RBFOX1: variants seen among roughly 807,000 people sequenced by gnomAD.
The protein encoded by RBFOX1 is RNA binding fox-1 homolog 1, also known as RNA binding protein fox-1 homolog 1.
Under a neutral mutation model 57.7 loss-of-function variants are expected in RBFOX1, and 8 were observed. That is an observed-to-expected ratio of 0.14 (90% CI 0.08 to 0.25). The LOEUF (loss-of-function observed/expected upper bound fraction) is 0.25, where lower values mean the gene tolerates loss of function less well. Among genes scored for constraint, RBFOX1 ranks in the 10% least tolerant of loss-of-function variants. The probability of loss-of-function intolerance (pLI) is 1.00; values close to 1 mark genes in which losing one functional copy is unlikely to be tolerated. For missense variants in RBFOX1, 611 were observed against 548.5 expected, an observed-to-expected ratio of 1.11 and a Z score of -1.14; for synonymous variants, 326 against 222.4, an observed-to-expected ratio of 1.47 and a Z score of -4.15.
intron 4 of RBFOX1, among the ~76,000 whole-genome samples, chr16:7,128,141 A>G (rs902464325): frequency 6.6e-6 from 1 of 152,168 alleles, no homozygotes; most frequent in Non-Finnish European, 1.5e-5. Flanking sequence ...TGAAAAGCAA[A>G]TGTCTCCTTC....
At chr16:6,191,707 G>T (rs985854316) in intron 1 of RBFOX1, among the ~76,000 whole-genome samples, 2 of 152,120 alleles carry the variant, frequency 1.3e-5, no homozygotes, top group African/African-American at 4.8e-5. Flanking sequence ...GAGTTTTTAA[G>T]ATGTTTTGAC....
chr16:7,004,162 T>C (rs1051842092), intron 3 of RBFOX1: 9 of 152,192 alleles, frequency 5.9e-5, no homozygotes, highest in Middle Eastern at 3.4e-3. Context: ...TTAAATCTTA[T>C]GCACAGAAGA....
chr16:6,735,973 C>T (rs55712019), intron 3 of RBFOX1, among the ~76,000 whole-genome samples: 151,735 of 151,738 alleles, frequency 1, 75,866 homozygotes, highest in Middle Eastern at 1. Context: ...AGGTTTGCTT[C>T]CCTACTGGGC....
chr16:6,282,363 T>G (rs796313162), intron 1 of RBFOX1, among the ~76,000 whole-genome samples: 14 of 151,142 alleles, frequency 9.3e-5, no homozygotes, highest in Non-Finnish European at 1.3e-4. Flanking sequence ...CTGTTTTTTT[T>G]TTTTTTTTTT....
intron 1 of RBFOX1, among the ~76,000 whole-genome samples, chr16:5,359,844 G>A (rs1416352036): frequency 6.6e-6 from 1 of 152,098 alleles, no homozygotes; most frequent in African/African-American, 2.4e-5. Flanking sequence ...TTCCTCTCTG[G>A]TCCTCCGCTT....
intron 3 of RBFOX1, among the ~76,000 whole-genome samples, chr16:7,013,484 G>A (rs1236966174): frequency 6.6e-6 from 1 of 152,178 alleles, no homozygotes; most frequent in African/African-American, 2.4e-5. Context: ...GTGAAGGCAT[G>A]CCTCTAAATA....
chr16:5,662,285 A>T (rs2049680078), intron 3 of RBFOX1, among the ~76,000 whole-genome samples: 1 of 152,178 alleles, frequency 6.6e-6, no homozygotes, highest in African/African-American at 2.4e-5. Flanking sequence ...TTATGCTCTT[A>T]GAACATATTG....
intron 2 of RBFOX1, among the ~76,000 whole-genome samples, chr16:6,600,628 A>T (rs2097841970): frequency 6.6e-6 from 1 of 152,210 alleles, no homozygotes; most frequent in Non-Finnish European, 1.5e-5. Context: ...ATCAGAACTG[A>T]AACAGTGGAC....
intron 2 of RBFOX1, among the ~76,000 whole-genome samples, chr16:5,580,552 C>G (rs572207478): frequency 1.3e-5 from 2 of 152,208 alleles, no homozygotes; most frequent in South Asian, 4.1e-4. Context: ...GGCTGAGGTG[C>G]CAGCTCCAGC....
At chr16:5,285,322 G>A (rs2091532) in intron 1 of RBFOX1, among the ~76,000 whole-genome samples, 69,416 of 151,940 alleles carry the variant, frequency 0.46, 16,150 homozygotes, top group Non-Finnish European at 0.51. Flanking sequence ...TATGCTGTCT[G>A]TCTCTGTTGA....
intron 2 of RBFOX1, among the ~76,000 whole-genome samples, chr16:6,565,077 G>A (rs191611024): frequency 5.8e-4 from 84 of 145,752 alleles, no homozygotes; most frequent in African/African-American, 2.1e-3. Context: ...GTTGTAGTGA[G>A]CAGAGATTGC....
intron 2 of RBFOX1, among the ~76,000 whole-genome samples, chr16:5,537,000 A>G (rs1443260090): frequency 6.6e-6 from 1 of 152,198 alleles, no homozygotes; most frequent in Non-Finnish European, 1.5e-5. Context: ...CTGCATAACA[A>G]GGATCATCTT....
intron 3 of RBFOX1, among the ~76,000 whole-genome samples, chr16:5,808,267 C>T (rs1033255234): frequency 2.0e-5 from 3 of 152,124 alleles, no homozygotes; most frequent in Non-Finnish European, 4.4e-5. Flanking sequence ...TGTTCTGTTC[C>T]ACTGATCTAT....
intron 3 of RBFOX1, among the ~76,000 whole-genome samples, chr16:5,813,070 C>A (rs747884835): frequency 1.3e-5 from 2 of 148,348 alleles, no homozygotes; most frequent in Admixed American, 1.4e-4. Context: ...TGCAGTGGTG[C>A]AATCTTGGCT....
chr16:7,013,606 A>G (rs2093757893), intron 3 of RBFOX1, among the ~76,000 whole-genome samples: 1 of 152,188 alleles, frequency 6.6e-6, no homozygotes, highest in Admixed American at 6.5e-5. Flanking sequence ...ACAACTACTA[A>G]TGTTATATTA....
At chr16:7,450,292 G>C (rs2098841536) in intron 4 of RBFOX1, among the ~76,000 whole-genome samples, 1 of 150,498 alleles carries the variant, frequency 6.6e-6, no homozygotes, top group African/African-American at 2.4e-5. Context: ...TACTTGGGAG[G>C]CTGAGGCAGG....
chr16:6,120,097 A>G (rs1256541312), intron 1 of RBFOX1, among the ~76,000 whole-genome samples: 4 of 152,156 alleles, frequency 2.6e-5, no homozygotes, highest in Non-Finnish European at 4.4e-5. Context: ...AAGTTGAGCC[A>G]TGTGGTAGCA....
intron 1 of RBFOX1, among the ~76,000 whole-genome samples, chr16:5,327,124 A>G (rs1045816753): frequency 6.6e-6 from 1 of 152,224 alleles, no homozygotes; most frequent in African/African-American, 2.4e-5. Context: ...TTATGGAACA[A>G]CTGGGAATGG....
chr16:6,357,981 A>C lies in RBFOX1; in HGVS notation c.-64+40924A>C, dbSNP rs923081201. On this transcript the variant is annotated intron_variant, in intron 2 of 15. Transcript: ENST00000550418. ...CAAAAAAGAAAAAAAAAAAAAAAGA[A>C]ATTAATGGGGCCAGAGACCTTTGGA... 5.0e-4 allele frequency among the ~76,000 whole-genome samples: 76 copies of C among 151,902 alleles called. 1 individual carries two copies. Among genetic ancestry groups the C allele is most frequent in the Admixed American group, 3.6e-3 (55 of 15,242 alleles).
Sources: allele counts gnomAD v4.1 joint callset (sites outside exome capture counted in the v4.1 genomes callset), GRCh38; gene constraint gnomAD v4.1.1; transcripts MANE v1.5; gene names NCBI Gene and HGNC (gene_info 2026-07-23, HGNC 2026-07-21).